Variants in GGT1 observed in about 807,000 individuals in gnomAD.
GGT1 encodes glutathione hydrolase 1 proenzyme.
A neutral mutation model predicts 56.0 loss-of-function variants in GGT1; 21 were observed. That is an observed-to-expected ratio of 0.38 (90% CI 0.27 to 0.54). GGT1 has a LOEUF of 0.54. Ranked by LOEUF, GGT1 falls within the 20% of genes least tolerant of loss-of-function variation. The pLI is 0.82. For synonymous variants in GGT1, 238 were observed against 342.6 expected (o/e 0.69, Z 3.37); for missense variants, 466 against 787.0 (o/e 0.59, Z 4.88).
chr22:24,610,880 G>A (rs1201656753), intron 4 of GGT1, among the ~76,000 whole-genome samples, 195 bp from the exon 5 acceptor site: 15 of 151,530 alleles, frequency 9.9e-5, no homozygotes, highest in Admixed American at 9.2e-4. Context: ...GCAGAGATGA[G>A]GCCCAGAGCT....
the GGT1 span, among the ~76,000 whole-genome samples, chr22:24,588,048 CT>C: frequency 6.6e-6 from 1 of 152,152 alleles, no homozygotes; most frequent in East Asian, 1.9e-4. Context: ...GGAGCATCTG[CT>C]ACCACGGGCC....
At chr22:24,624,558 CT>C (rs1185394622) in intron 11 of GGT1, 1 of 975,474 alleles carries the variant, frequency 1.0e-6, no homozygotes, top group Non-Finnish European at 1.2e-6. Context: ...CATTCTGCAC[CT>C]CTGACTCCCG....
chr22:24,628,450 G>T lies in GGT1; in HGVS notation c.1563+62G>T. Reference sequence around the variant, plus strand: ...GGGCCCCAGGGCATCCTGGGCTGGAGGCCTGGATCATCACAGAGTGGACAA... The same window carrying T: ...GGGCCCCAGGGCATCCTGGGCTGGATGCCTGGATCATCACAGAGTGGACAA... On this transcript the variant is annotated intron_variant, in intron 15 of 15. Coordinates refer to ENST00000400382, the MANE Select transcript of GGT1 (RefSeq NM_001288833.2). The surrounding 1 kb of genome is among the most constrained non-coding windows in gnomAD (Gnocchi z 5.7). The T allele has an allele frequency of 1.2e-6, 2 of 1,604,976 alleles. No homozygotes were observed. The highest frequency in any genetic ancestry group is 8.5e-7 in the Non-Finnish European group (1 of 1,178,402).
chr22:24,586,042 G>A, the GGT1 span: 2 of 1,611,370 alleles, frequency 1.2e-6, no homozygotes, highest in Non-Finnish European at 1.7e-6. Flanking sequence ...TCAGCCGCCG[G>A]CGCAGGCCGA....
intron 1 of GGT1, among the ~76,000 whole-genome samples, chr22:24,604,048 G>A (rs1277799979): frequency 6.6e-6 from 1 of 152,074 alleles, no homozygotes; most frequent in Non-Finnish European, 1.5e-5. Context: ...GTGCCGCAAG[G>A]GTGGAAACTG....
In GGT1 at chr22:24,618,543, A is replaced by G. The variant is rs1051742670; in HGVS notation, c.383-1785A>G. On this transcript the variant is annotated intron_variant, in intron 7 of 15. Coordinates refer to ENST00000400382, the MANE Select transcript of GGT1 (RefSeq NM_001288833.2). ...GAGGCGGAGGTTGTAGTGAGCTGAG[A>G]TCATGCCACTGCACTGTAGTCTGGG... 3.4e-4 allele frequency among the ~76,000 whole-genome samples: 52 copies of G among 152,376 alleles called. 2 individuals are homozygous for G. Among genetic ancestry groups the G allele is most frequent in the Admixed American group, 3.1e-3 (47 of 15,304 alleles).
chr22:24,593,091 C>T, upstream of GGT1: 1 of 1,034,940 alleles, frequency 9.7e-7, no homozygotes, highest in Non-Finnish European at 1.2e-6. Flanking sequence ...TGTCTGCGCC[C>T]CGCTCCCGGG....
chr22:24,612,664 T>G (rs1286633477), intron 5 of GGT1, among the ~76,000 whole-genome samples: 1 of 151,920 alleles, frequency 6.6e-6, no homozygotes, highest in Non-Finnish European at 1.5e-5. Flanking sequence ...GTAGCTGATA[T>G]TACAGGCATC....
In GGT1 at chr22:24,627,848, G is replaced by A. The variant is rs576235487; in HGVS notation, c.1209-4G>A. The stretch of plus-strand genomic sequence containing the variant: ...GGGCACTGTCTGACCTGGCTGGGCG[G>A]TAGCTTTGGCTCCAAGGTCCGCTCC... On this transcript the variant is annotated splice_polypyrimidine_tract_variant and splice_region_variant and intron_variant, in intron 12 of 15. Coordinates refer to ENST00000400382, the MANE Select transcript of GGT1 (RefSeq NM_001288833.2). The A allele has an allele frequency of 2.5e-6, 4 of 1,612,040 alleles. No homozygotes were observed. The highest frequency in any genetic ancestry group is 1.3e-5 in the African/African-American group (1 of 75,014).
At chr22:24,622,539 G>T (rs899726784) in intron 9 of GGT1, among the ~76,000 whole-genome samples, 1 of 152,168 alleles carries the variant, frequency 6.6e-6, no homozygotes, top group African/African-American at 2.4e-5. Context: ...ACTCCAGCCT[G>T]GGCGATAGAG....
chr22:24,605,414 TAA>T (rs1469509051), intron 1 of GGT1, among the ~76,000 whole-genome samples: 1 of 85,672 alleles, frequency 1.2e-5, no homozygotes, highest in Non-Finnish European at 2.0e-5. Flanking sequence ...TAATATTATA[TAA>T]TATGTATTAT....
In GGT1 at chr22:24,615,142, A is replaced by C. The variant is rs144125176; in HGVS notation, c.382+15A>C. 2.9e-3 allele frequency: 4,589 copies of C among 1,597,506 alleles called. 114 individuals are homozygous for C. In the African/African-American group the frequency reaches 0.053, roughly 18 times the overall value. On this transcript the variant is annotated intron_variant, in intron 7 of 15. Transcript: ENST00000400382. ...GTCCCAGAAGGGTAAGCCATGCGGC[A>C]GACTTGGGGCGTGGGTGCAGAGCTG...
chr22:24,585,731 C>T, the GGT1 span: 1 of 905,092 alleles, frequency 1.1e-6, no homozygotes. Context: ...GGCCACCTGG[C>T]CACCTATGAG....
intron 2 of GGT1, among the ~76,000 whole-genome samples, chr22:24,608,705 T>C (rs1218517182): frequency 1.3e-5 from 2 of 152,244 alleles, no homozygotes; most frequent in African/African-American, 4.8e-5. Flanking sequence ...TTGCCCAGGC[T>C]GGAGTGCAGT....
intron 2 of GGT1, among the ~76,000 whole-genome samples, chr22:24,608,556 G>A (rs200181025): frequency 1.3e-5 from 2 of 152,280 alleles, no homozygotes; most frequent in African/African-American, 2.4e-5. Flanking sequence ...ACGGGACTGG[G>A]TAGCTTCCTT....
the GGT1 span, chr22:24,589,559 C>T: frequency 4.2e-6 from 2 of 474,922 alleles, no homozygotes; most frequent in Non-Finnish European, 6.7e-6. Flanking sequence ...GGCCCCCAGG[C>T]CTGGTGCACA....
the GGT1 span, chr22:24,589,769 C>G: frequency 4.8e-6 from 4 of 837,198 alleles, no homozygotes; most frequent in East Asian, 1.5e-4. Context: ...GCTCTGTTGG[C>G]CCCCCTGTCC....
the GGT1 span, chr22:24,589,351 C>G: frequency 8.8e-7 from 1 of 1,137,554 alleles, no homozygotes; most frequent in Non-Finnish European, 1.1e-6. Context: ...TAGGGGAAAG[C>G]AGTGAGCACC....
intron 1 of GGT1, among the ~76,000 whole-genome samples, chr22:24,596,678 C>T (rs1283274659): frequency 3.4e-5 from 5 of 148,142 alleles, no homozygotes; most frequent in Non-Finnish European, 5.9e-5. Flanking sequence ...GGTGGACGGA[C>T]CATGAGGTCA....
Sources: gnomAD v4.1 joint callset for allele counts (sites outside exome capture counted in the v4.1 genomes callset) on GRCh38, gnomAD v4.1.1 for gene constraint, Gnocchi (gnomAD v3.1) non-coding constraint, MANE v1.5 for transcripts, NCBI Gene and HGNC (gene_info 2026-07-23, HGNC 2026-07-21) for gene names.